WDFY4: variants seen among roughly 807,000 people sequenced by gnomAD.
WDFY4 encodes the protein WDFY family member 4.
In WDFY4, 169 loss-of-function variants were observed where a neutral mutation model predicts 351.9. The observed-to-expected ratio is 0.48, with a 90% CI of 0.42 to 0.55. WDFY4 has a LOEUF of 0.55. Among genes scored for constraint, WDFY4 ranks in the 20% least tolerant of loss-of-function variants. WDFY4 has a pLI of 0.00. For synonymous variants in WDFY4, 1,622 were observed against 1,574.6 expected, an observed-to-expected ratio of 1.03 and a Z score of -0.71; for missense variants, 3,803 against 3,935.6, an observed-to-expected ratio of 0.97 and a Z score of 0.90.
At chr10:48,770,267 TCA>T in intron 13 of WDFY4, among the ~76,000 whole-genome samples, 1 of 152,336 alleles carries the variant, frequency 6.6e-6, no homozygotes, top group South Asian at 2.1e-4. Flanking sequence ...TTGAAAACTT[TCA>T]GTTTTTCTTT....
intron 13 of WDFY4, 140 bp from the exon 14 acceptor site, chr10:48,774,318 C>G: frequency 1.2e-6 from 1 of 864,078 alleles, no homozygotes; most frequent in Admixed American, 2.0e-5. Context: ...CTGAGACAGG[C>G]GTGGGTGTAG....
At chr10:48,760,207 G>A (rs1385852176) in intron 12 of WDFY4, 140 bp from the exon 13 acceptor site, 5 of 698,370 alleles carry the variant, frequency 7.2e-6, no homozygotes, top group East Asian at 2.7e-5. Context: ...AGGCTCGATG[G>A]AGTAGTTCAA....
chr10:48,784,215 A>C (rs1043219638), intron 19 of WDFY4, among the ~76,000 whole-genome samples: 1 of 152,224 alleles, frequency 6.6e-6, no homozygotes, highest in African/African-American at 2.4e-5. Context: ...CAAGAGTTCA[A>C]TTGCTGGTTT....
At chr10:48,968,974 G>A in intron 55 of WDFY4, 90 bp from the exon 56 acceptor site, 1 of 1,345,470 alleles carries the variant, frequency 7.4e-7, no homozygotes, top group South Asian at 1.4e-5. Flanking sequence ...TTCAAGTCCA[G>A]TGTGTCTGCC....
intron 11 of WDFY4, among the ~76,000 whole-genome samples, chr10:48,742,598 G>A (rs2064886895): frequency 6.6e-6 from 1 of 152,178 alleles, no homozygotes; most frequent in African/African-American, 2.4e-5. Context: ...GAGCTGAGAC[G>A]GTTTTCAAGT....
rs571566071 is a variant in WDFY4 at position 48,922,888 on chromosome 10, G to A, written c.7587-18918G>A. Among the ~76,000 whole-genome samples the A allele has an allele frequency of 7.9e-5, 12 of 152,316 alleles. No individual in the cohort carries two copies. The South Asian group carries it at 2.5e-3, about 32-fold the overall frequency. On this transcript the variant is annotated intron_variant, in intron 47 of 61. Coordinates refer to ENST00000325239, the MANE Select transcript of WDFY4 (RefSeq NM_001394531.1). ...ATGGTTGCAGGGATTAGGGGTTGGG[G>A]AAAGGCTTGACTAGAAGGGAGAGTC...
chr10:48,751,108 G>C (rs913599636), intron 12 of WDFY4, among the ~76,000 whole-genome samples: 3 of 152,208 alleles, frequency 2.0e-5, no homozygotes, highest in Non-Finnish European at 4.4e-5. Context: ...ACCTAGTAGA[G>C]ACATGAATGG....
In WDFY4 at chr10:48,978,334, T is replaced by C. The variant is rs1156781822; in HGVS notation, c.9317T>C (p.Met3106Thr). The C allele has an allele frequency of 6.4e-7, 1 of 1,551,488 alleles. No homozygotes were observed. Among genetic ancestry groups the C allele is most frequent in the South Asian group, 1.2e-5 (1 of 84,048 alleles). Residue 3106 changes from methionine (M) to threonine (T), a missense_variant, in exon 60 of 62, where the codon ATG becomes ACG. Physicochemically the swap from Met to Thr is moderately conservative, Grantham distance 81. Coordinates refer to ENST00000325239, the MANE Select transcript of WDFY4 (RefSeq NM_001394531.1). Reference protein sequence around the residue: ...VRVWKTEDVKMSVPGRPAGEE... With the variant: ...VRVWKTEDVKTSVPGRPAGEE... The stretch of plus-strand genomic sequence containing the variant: ...GTTTGGAAGACTGAGGATGTGAAGA[T>C]GTCTGTTCCTGGACGGCCAGCAGGA...
intron 12 of WDFY4, among the ~76,000 whole-genome samples, chr10:48,755,856 C>T (rs963087900): frequency 3.9e-5 from 6 of 151,976 alleles, no homozygotes; most frequent in African/African-American, 1.4e-4. Context: ...GATGGAACCT[C>T]GTTATTTTAT....
At chr10:48,727,361 C>T (rs2064304357) in intron 6 of WDFY4, 109 bp from the exon 7 acceptor site, 1 of 1,151,168 alleles carries the variant, frequency 8.7e-7, no homozygotes, top group South Asian at 1.6e-5. Flanking sequence ...TGGATTAATT[C>T]CCATTCATGT....
At chr10:48,828,964 G>T in intron 37 of WDFY4, 68 bp downstream of exon 37, 1 of 757,840 alleles carries the variant, frequency 1.3e-6, no homozygotes, top group Non-Finnish European at 2.1e-6. Flanking sequence ...GCAGGATAGT[G>T]GTACCTGCTA....
intron 47 of WDFY4, among the ~76,000 whole-genome samples, chr10:48,924,330 C>G (rs1367632056): frequency 6.6e-6 from 1 of 152,220 alleles, no homozygotes; most frequent in Non-Finnish European, 1.5e-5. Context: ...TAGAAGCAGA[C>G]CCAGTGCCAG....
intron 47 of WDFY4, chr10:48,913,701 T>C: frequency 1.2e-6 from 2 of 1,612,634 alleles, no homozygotes; most frequent in Non-Finnish European, 1.7e-6. Context: ...TAGGTTGTCA[T>C]GGAGCCCTAC....
intron 12 of WDFY4, among the ~76,000 whole-genome samples, chr10:48,759,738 A>T (rs2065444184): frequency 6.6e-6 from 1 of 152,176 alleles, no homozygotes; most frequent in Admixed American, 6.5e-5. Flanking sequence ...CCTTGTGCAC[A>T]GTTGCGAGTT....
At chr10:48,772,382 C>T (rs927067348) in intron 13 of WDFY4, among the ~76,000 whole-genome samples, 9 of 151,660 alleles carry the variant, frequency 5.9e-5, no homozygotes, top group East Asian at 1.9e-4. Context: ...GACACATGTG[C>T]GTGTACCTGT....
At chr10:48,979,837 T>C (rs1193173819) in intron 60 of WDFY4, 1 of 152,232 alleles carries the variant, frequency 6.6e-6, no homozygotes, top group Non-Finnish European at 1.5e-5. Context: ...CCCAACTCTG[T>C]CACAGCAGCT....
intron 23 of WDFY4, among the ~76,000 whole-genome samples, chr10:48,792,328 G>T (rs891935584): frequency 1.3e-5 from 2 of 152,272 alleles, no homozygotes; most frequent in Admixed American, 6.5e-5. Context: ...GGCACATCCC[G>T]TTTTAATTGC....
chr10:48,822,457 C>T lies in WDFY4; in HGVS notation c.5902C>T (p.Leu1968=), dbSNP rs999494038. 6.4e-7 allele frequency: 1 copy of T among 1,551,464 alleles called. No homozygotes were observed. Among genetic ancestry groups the T allele is most frequent in the South Asian group, 1.2e-5 (1 of 83,806 alleles). ...LANISCFTQK[L]VEKLYSGMFS... is the part of the protein sequence containing the mutation. The stretch of plus-strand genomic sequence containing the variant: ...CAACATCTCCTGCTTCACCCAGAAG[C>T]TGGTGGAGAAGCTGTACAGTGGGAT... Residue 1968 remains leucine (L), a synonymous_variant, in exon 35 of 62, where the codon CTG becomes TTG. Coordinates refer to ENST00000325239, the MANE Select transcript of WDFY4 (RefSeq NM_001394531.1).
intron 43 of WDFY4, among the ~76,000 whole-genome samples, chr10:48,882,132 G>A (rs1031427401): frequency 1.3e-5 from 2 of 152,180 alleles, no homozygotes; most frequent in African/African-American, 4.8e-5. Flanking sequence ...CCTGCAGCCA[G>A]GCCTGGGTCT....
Sources: allele counts gnomAD v4.1 joint callset (sites outside exome capture counted in the v4.1 genomes callset), GRCh38; gene constraint gnomAD v4.1.1; transcripts MANE v1.5; gene names NCBI Gene and HGNC (gene_info 2026-07-23, HGNC 2026-07-21).